The following NRXN3 variants were observed in gnomAD, a reference collection of about 807,000 sequenced individuals.
NRXN3 encodes the protein neurexin III.
NRXN3 carries 32 observed loss-of-function variants against 137.6 expected under a neutral mutation model. The ratio of observed to expected loss-of-function variants is 0.23; its 90% CI spans 0.18 to 0.31. NRXN3 has a LOEUF of 0.31. Ranked by LOEUF, NRXN3 falls within the 10% of genes least tolerant of loss-of-function variation. The pLI, the probability that NRXN3 is intolerant of heterozygous loss-of-function variation, is 1.00. For missense variants in NRXN3, 1,574 were observed against 2,062.5 expected, an observed-to-expected ratio of 0.76 and a Z score of 4.59; for synonymous variants, 798 against 784.5, an observed-to-expected ratio of 1.02 and a Z score of -0.29.
At chr14:79,000,205 A>C (rs1321438759) in intron 15 of NRXN3, among the ~76,000 whole-genome samples, 1 of 152,120 alleles carries the variant, frequency 6.6e-6, no homozygotes, top group Admixed American at 6.6e-5. Context: ...TAAATCTAAA[A>C]CTGCAGTTTT....
intron 4 of NRXN3, among the ~76,000 whole-genome samples, chr14:78,540,776 T>G (rs906074888): frequency 6.6e-6 from 1 of 152,248 alleles, no homozygotes; most frequent in Admixed American, 6.5e-5. Context: ...TTTCCATGTT[T>G]AGTGCTTCCT....
rs190156002 is a variant in NRXN3, at chr14:78,751,690, T to C, written c.2044+36551T>C. Among the ~76,000 whole-genome samples, 4 of 152,194 alleles carry C rather than the reference T, an allele frequency of 2.6e-5. No homozygotes were observed. In the East Asian group the frequency reaches 7.7e-4, roughly 29 times the overall value. On this transcript the variant is annotated intron_variant, in intron 8 of 20. Coordinates refer to ENST00000335750, the MANE Select transcript of NRXN3 (RefSeq NM_001330195.2). ...TGCTGACTGCTTCCTAAAGAAAGTGTGCCTGCCCTGGAGGGGACGGAAGGG... is the reference window on the plus strand; with the variant it reads ...TGCTGACTGCTTCCTAAAGAAAGTGCGCCTGCCCTGGAGGGGACGGAAGGG...
At chr14:78,535,333 G>A (rs1329838261) in intron 4 of NRXN3, among the ~76,000 whole-genome samples, 9 of 152,110 alleles carry the variant, frequency 5.9e-5, no homozygotes, top group Non-Finnish European at 2.9e-5. Context: ...GGATTATGTG[G>A]CAAATTGATT....
chr14:79,059,711 G>A (rs1314415313), intron 15 of NRXN3, among the ~76,000 whole-genome samples: 1 of 152,170 alleles, frequency 6.6e-6, no homozygotes, highest in African/African-American at 2.4e-5. Flanking sequence ...CAAGTCACAA[G>A]ATAACCATCC....
chr14:78,866,237 A>G (rs2099086409), intron 10 of NRXN3, among the ~76,000 whole-genome samples: 3 of 152,182 alleles, frequency 2.0e-5, no homozygotes, highest in Admixed American at 2.0e-4. Context: ...GAAAGAAAAG[A>G]AAAAAATGAC....
intron 15 of NRXN3, among the ~76,000 whole-genome samples, chr14:79,379,405 G>T (rs758965206): frequency 2.6e-5 from 4 of 152,126 alleles, no homozygotes; most frequent in Non-Finnish European, 5.9e-5. Context: ...TGAGTATTGA[G>T]GTTGATAGCT....
chr14:79,469,787 C>T (rs182714375), intron 16 of NRXN3, among the ~76,000 whole-genome samples: 11 of 152,300 alleles, frequency 7.2e-5, no homozygotes, highest in Non-Finnish European at 1.6e-4. Flanking sequence ...ATGGCCCTCT[C>T]GAGCACCAGG....
At chr14:79,187,712 G>A (rs995987936) in intron 15 of NRXN3, among the ~76,000 whole-genome samples, 8 of 146,192 alleles carry the variant, frequency 5.5e-5, no homozygotes, top group Admixed American at 1.4e-4. Context: ...AAAAAATAGC[G>A]AATGTCCTTT....
chr14:79,371,118 G>T (rs1435929627), intron 15 of NRXN3, among the ~76,000 whole-genome samples: 2 of 152,094 alleles, frequency 1.3e-5, no homozygotes, highest in Non-Finnish European at 2.9e-5. Flanking sequence ...AGTAGAAAAA[G>T]AATATGGCAG....
chr14:79,124,840 A>G lies in NRXN3; in HGVS notation c.3262+136699A>G, dbSNP rs1440945454. Among the ~76,000 whole-genome samples, 3 of 152,150 alleles carry G rather than the reference A, an allele frequency of 2.0e-5. No homozygotes were observed. In the East Asian group the frequency reaches 5.8e-4, roughly 29 times the overall value. On this transcript the variant is annotated intron_variant, in intron 15 of 20. Transcript: ENST00000335750. Reference sequence around the variant, plus strand: ...CATGTGAAAACTTCAAATTTCAGCAATGATTCTCTAAATTTTTTGCTGAGA... The same window carrying G: ...CATGTGAAAACTTCAAATTTCAGCAGTGATTCTCTAAATTTTTTGCTGAGA...
intron 4 of NRXN3, among the ~76,000 whole-genome samples, chr14:78,358,280 G>A (rs545686937): frequency 2.0e-5 from 3 of 152,244 alleles, no homozygotes; most frequent in African/African-American, 7.2e-5. Context: ...ACCATGTGTG[G>A]ATTATCTCAT....
chr14:79,704,461 T>G (rs2098768266), intron 19 of NRXN3, among the ~76,000 whole-genome samples: 1 of 152,174 alleles, frequency 6.6e-6, no homozygotes. Context: ...ACCTTTTCCC[T>G]GCTGCCACCA....
intron 15 of NRXN3, among the ~76,000 whole-genome samples, chr14:79,416,588 T>C (rs1366257495): frequency 6.6e-6 from 1 of 152,144 alleles, no homozygotes; most frequent in East Asian, 1.9e-4. Context: ...TTCTTTAGAA[T>C]TTGGCACATT....
chr14:79,197,648 T>C (rs1304339248), intron 15 of NRXN3, among the ~76,000 whole-genome samples: 1 of 152,138 alleles, frequency 6.6e-6, no homozygotes, highest in East Asian at 1.9e-4. Flanking sequence ...CTGACTCCAC[T>C]GTCAAAAACC....
chr14:78,467,929 T>TTGA, intron 4 of NRXN3, among the ~76,000 whole-genome samples: 1 of 151,308 alleles, frequency 6.6e-6, no homozygotes, highest in South Asian at 2.1e-4. Context: ...TTTGTTGTTG[T>TTGA]TGTTGTTGTT....
chr14:78,405,616 G>GGGA (rs566552315), intron 4 of NRXN3, among the ~76,000 whole-genome samples: 6 of 143,206 alleles, frequency 4.2e-5, no homozygotes, highest in South Asian at 2.6e-4. Flanking sequence ...GAAGGGGCGG[G>GGGA]GGGGTTCCGG....
At chr14:79,768,786 G>A (rs1050898846) in intron 19 of NRXN3, among the ~76,000 whole-genome samples, 5 of 152,210 alleles carry the variant, frequency 3.3e-5, no homozygotes, top group African/African-American at 9.6e-5. Flanking sequence ...TGACTTTGAC[G>A]AGCTGAGAGA....
At chr14:78,696,875 C>A (rs1368081494) in intron 6 of NRXN3, among the ~76,000 whole-genome samples, 1 of 152,102 alleles carries the variant, frequency 6.6e-6, no homozygotes, top group Non-Finnish European at 1.5e-5. Flanking sequence ...GTTTCTACTA[C>A]TGCCATCACC....
chr14:78,876,618 G>A (rs1014198755), intron 10 of NRXN3, among the ~76,000 whole-genome samples: 12 of 152,146 alleles, frequency 7.9e-5, no homozygotes, highest in South Asian at 2.1e-4. Flanking sequence ...TTAAGAAGTG[G>A]CTGTGAATTG....
Sources: gnomAD v4.1 joint callset for allele counts (sites outside exome capture counted in the v4.1 genomes callset) on GRCh38, gnomAD v4.1.1 for gene constraint, MANE v1.5 for transcripts, NCBI Gene and HGNC (gene_info 2026-07-23, HGNC 2026-07-21) for gene names.